Variants in F13A1 observed in about 807,000 individuals in gnomAD.
The protein encoded by F13A1 is coagulation factor XIII A chain.
A neutral mutation model predicts 80.1 loss-of-function variants in F13A1; 47 were observed. The ratio of observed to expected loss-of-function variants is 0.59; its 90% CI spans 0.46 to 0.75. F13A1 has a LOEUF of 0.75. F13A1 is among the 30% of genes least tolerant of loss of function. The pLI is 0.00. For synonymous variants in F13A1, 349 were observed against 344.9 expected, an observed-to-expected ratio of 1.01 and a Z score of -0.13; for missense variants, 817 against 930.4, an observed-to-expected ratio of 0.88 and a Z score of 1.59.
At chr6:6,190,340 C>T (rs1761163128) in intron 10 of F13A1, among the ~76,000 whole-genome samples, 1 of 152,086 alleles carries the variant, frequency 6.6e-6, no homozygotes, top group African/African-American at 2.4e-5. Context: ...CTGTTTTTTC[C>T]CCATCCTTGT....
At chr6:6,187,310 G>A (rs1204103618) in intron 10 of F13A1, among the ~76,000 whole-genome samples, 1 of 91,802 alleles carries the variant, frequency 1.1e-5, no homozygotes, top group Non-Finnish European at 2.1e-5. Flanking sequence ...AGTTTTCAAA[G>A]GGAATGCTTC....
At chr6:6,305,882 G>A (rs191165406) in intron 2 of F13A1, among the ~76,000 whole-genome samples, 81 of 152,272 alleles carry the variant, frequency 5.3e-4, no homozygotes, top group Non-Finnish European at 1.1e-3. Context: ...GCTAGTTTTC[G>A]TTATGTTAGA....
At chr6:6,217,040 G>A (rs1390194166) in intron 8 of F13A1, among the ~76,000 whole-genome samples, 1 of 142,788 alleles carries the variant, frequency 7.0e-6, no homozygotes, top group African/African-American at 2.7e-5. Context: ...AGGTGCTGGA[G>A]AGGATGTGGA....
chr6:6,305,219 G>A (rs1758494287), intron 3 of F13A1, 132 bp downstream of exon 3: 1 of 1,000,442 alleles, frequency 1.0e-6, no homozygotes. Context: ...GGTAATTCAG[G>A]GGCTGGATGT....
chr6:6,191,328 C>A (rs999621333), intron 10 of F13A1, among the ~76,000 whole-genome samples: 2 of 152,214 alleles, frequency 1.3e-5, no homozygotes, highest in African/African-American at 2.4e-5. Context: ...GAAAGCCCTA[C>A]ATTTACGGCT....
rs376400382 is a variant in F13A1 at position 6,293,189 on chromosome 6, C to T, written c.319+12162G>A. 6.8e-4 allele frequency among the ~76,000 whole-genome samples: 104 copies of T among 152,210 alleles called. 1 individual carries two copies. Among genetic ancestry groups the T allele is most frequent in the African/African-American group, 2.5e-3 (104 of 41,532 alleles). ...AGGGAGAAAGAAACTTGCTCATGGACCCTACTGTCACTTCGGAGGGCTCCT... is the reference window on the plus strand; with the variant it reads ...AGGGAGAAAGAAACTTGCTCATGGATCCTACTGTCACTTCGGAGGGCTCCT... On this transcript the variant is annotated intron_variant, in intron 3 of 14. Coordinates refer to ENST00000264870, the MANE Select transcript of F13A1 (RefSeq NM_000129.4).
chr6:6,181,860 A>G (rs764662824), intron 11 of F13A1, 128 bp downstream of exon 11: 41 of 1,007,904 alleles, frequency 4.1e-5, no homozygotes, highest in Non-Finnish European at 6.0e-5. Flanking sequence ...GTGAAAGTTT[A>G]TACTTCTGCT....
chr6:6,313,344 A>G (rs1284454761), intron 2 of F13A1, among the ~76,000 whole-genome samples: 1 of 148,718 alleles, frequency 6.7e-6, no homozygotes, highest in Non-Finnish European at 1.5e-5. Flanking sequence ...TTTCAAAGTG[A>G]CAGCTTTCAA....
intron 13 of F13A1, among the ~76,000 whole-genome samples, chr6:6,155,392 C>T (rs1484272376): frequency 6.6e-6 from 1 of 152,160 alleles, no homozygotes; most frequent in Non-Finnish European, 1.5e-5. Context: ...TAATTAGATG[C>T]TGGCATGGGT....
intron 3 of F13A1, among the ~76,000 whole-genome samples, chr6:6,300,285 A>C (rs535077422): frequency 6.7e-6 from 1 of 150,150 alleles, no homozygotes; most frequent in East Asian, 2.0e-4. Flanking sequence ...TCGAGCTTCC[A>C]GGCTGCTTTG....
At chr6:6,149,853 C>T (rs1268499390) in intron 14 of F13A1, among the ~76,000 whole-genome samples, 1 of 152,222 alleles carries the variant, frequency 6.6e-6, no homozygotes. Flanking sequence ...GGCAGGACAT[C>T]TGTGTCCAAG....
chr6:6,274,543 A>T (rs1338249743), intron 3 of F13A1, among the ~76,000 whole-genome samples: 1 of 152,218 alleles, frequency 6.6e-6, no homozygotes, highest in African/African-American at 2.4e-5. Flanking sequence ...CATTCACAGG[A>T]AGTAAGAACA....
chr6:6,248,037 G>T (rs1052502708), intron 6 of F13A1, among the ~76,000 whole-genome samples: 2 of 152,116 alleles, frequency 1.3e-5, no homozygotes, highest in African/African-American at 4.8e-5. Context: ...CTAGGCAAGG[G>T]GTTCTTAAGA....
chr6:6,216,878 G>A (rs1757098444), intron 8 of F13A1, among the ~76,000 whole-genome samples: 1 of 149,558 alleles, frequency 6.7e-6, no homozygotes, highest in Non-Finnish European at 1.5e-5. Flanking sequence ...GACATGAACA[G>A]GCACTTCTCA....
rs746371632 is a variant in F13A1, at chr6:6,167,625, G to C, written c.1748-7C>G. On this transcript the variant is annotated splice_polypyrimidine_tract_variant and splice_region_variant and intron_variant, in intron 12 of 14. Coordinates refer to ENST00000264870, the MANE Select transcript of F13A1 (RefSeq NM_000129.4). ...AGCACCGCCTCTTTCTTGACTAGTA[G>C]GAGAAAACACACACAGGCCTGGCAT... 1.3e-5 allele frequency: 21 copies of C among 1,612,720 alleles called. No individual in the cohort carries two copies. Among genetic ancestry groups the C allele is most frequent in the Non-Finnish European group, 1.8e-5 (21 of 1,179,952 alleles).
chr6:6,193,337 A>G (rs974962052), intron 10 of F13A1, among the ~76,000 whole-genome samples: 1 of 152,214 alleles, frequency 6.6e-6, no homozygotes, highest in Non-Finnish European at 1.5e-5. Flanking sequence ...AGGAATGACC[A>G]AGAAAGTCAG....
chr6:6,270,939 C>T (rs1757911404), intron 3 of F13A1, among the ~76,000 whole-genome samples: 1 of 152,038 alleles, frequency 6.6e-6, no homozygotes, highest in Non-Finnish European at 1.5e-5. Context: ...CTCTCTGGGC[C>T]AACTCATTTT....
chr6:6,300,960 T>C (rs1430621098), intron 3 of F13A1, among the ~76,000 whole-genome samples: 1 of 152,220 alleles, frequency 6.6e-6, no homozygotes, highest in Non-Finnish European at 1.5e-5. Flanking sequence ...TTTTTAAAAA[T>C]GAATAGAAAT....
At chr6:6,308,461 T>TAAAAAA (rs35426137) in intron 2 of F13A1, among the ~76,000 whole-genome samples, 1 of 143,738 alleles carries the variant, frequency 7.0e-6, no homozygotes, top group Admixed American at 6.9e-5. Context: ...GGTTTTTCTG[T>TAAAAAA]AAAAAAAAAA....
Sources: allele counts gnomAD v4.1 joint callset (sites outside exome capture counted in the v4.1 genomes callset), GRCh38; gene constraint gnomAD v4.1.1; transcripts MANE v1.5; gene names NCBI Gene and HGNC (gene_info 2026-07-23, HGNC 2026-07-21).